The following IKZF1 variants were observed in gnomAD, a reference collection of about 807,000 sequenced individuals.
The protein encoded by IKZF1 is IKAROS family zinc finger 1.
Under a neutral mutation model 51.7 loss-of-function variants are expected in IKZF1, and 10 were observed. The observed-to-expected ratio is 0.19, with a 90% CI of 0.12 to 0.33. The LOEUF is 0.33. IKZF1 is among the 10% of genes least tolerant of loss of function. The pLI is 1.00. For missense variants in IKZF1, 484 were observed against 707.5 expected, an observed-to-expected ratio of 0.68 and a Z score of 3.58; for synonymous variants, 280 against 282.3, an observed-to-expected ratio of 0.99 and a Z score of 0.08.
intron 3 of IKZF1, chr7:50,369,445 G>C (rs1285757041): frequency 2.5e-6 from 1 of 398,360 alleles, no homozygotes; most frequent in African/African-American, 2.1e-5. Context: ...TATACACTTG[G>C]ATATGCTTTC....
At chr7:50,352,569 A>G (rs1291978496) in intron 3 of IKZF1, among the ~76,000 whole-genome samples, 2 of 152,230 alleles carry the variant, frequency 1.3e-5, no homozygotes, top group Non-Finnish European at 1.5e-5. Context: ...CTTCTGAGTA[A>G]GAATAATGTC....
intron 3 of IKZF1, among the ~76,000 whole-genome samples, chr7:50,359,265 A>C (rs1804495449): frequency 6.6e-6 from 1 of 152,184 alleles, no homozygotes; most frequent in Admixed American, 6.5e-5. Flanking sequence ...TGTCTCAAAA[A>C]ATAAAATAAA....
At chr7:50,353,435 C>G (rs1802391665) in intron 3 of IKZF1, among the ~76,000 whole-genome samples, 1 of 152,184 alleles carries the variant, frequency 6.6e-6, no homozygotes, top group African/African-American at 2.4e-5. Flanking sequence ...CTTGTTTCTG[C>G]AATGGATGTT....
At chr7:50,373,229 C>T (rs1217685859) in intron 3 of IKZF1, among the ~76,000 whole-genome samples, 1 of 152,218 alleles carries the variant, frequency 6.6e-6, no homozygotes, top group Non-Finnish European at 1.5e-5. Flanking sequence ...AGCCAGAAAC[C>T]CAAAGGTCGT....
chr7:50,324,821 G>A (rs886993134), intron 2 of IKZF1, among the ~76,000 whole-genome samples: 3 of 152,150 alleles, frequency 2.0e-5, no homozygotes, highest in Non-Finnish European at 4.4e-5. Flanking sequence ...TGAGCGGAAA[G>A]TACGACATTT....
chr7:50,371,119 A>G (rs1448998655), intron 3 of IKZF1, among the ~76,000 whole-genome samples: 1 of 152,196 alleles, frequency 6.6e-6, no homozygotes, highest in Non-Finnish European at 1.5e-5. Context: ...GCACCATTTA[A>G]GGAGTGGCAG....
At chr7:50,377,409 A>G (rs1304806566) in intron 4 of IKZF1, 1 of 153,122 alleles carries the variant, frequency 6.5e-6, no homozygotes, top group Admixed American at 6.5e-5. Context: ...CATCCCAAAT[A>G]CCCTGTCTTG....
At position 50,401,329 on chromosome 7, in the gene IKZF1, G is replaced by A. The variant is rs1464244510; in HGVS notation, c.*702G>A. On this transcript the variant is annotated 3_prime_UTR_variant, in exon 8 of 8. Coordinates refer to ENST00000331340, the MANE Select transcript of IKZF1 (RefSeq NM_006060.6). ...GGCTAGAGCCTTTGGGATCGTCCTG[G>A]ATTCACTGGCTTTGCGGAGGCTGCT... The A allele has an allele frequency of 4.3e-6, 1 of 230,390 alleles. No individual in the cohort carries two copies. Among genetic ancestry groups the A allele is most frequent in the East Asian group, 6.1e-5 (1 of 16,410 alleles). 14.3% of individuals were successfully genotyped at this position (230,390 alleles called of 1,614,324 possible).
intron 5 of IKZF1, among the ~76,000 whole-genome samples, chr7:50,386,039 T>A (rs1002936436): frequency 4.6e-5 from 7 of 152,214 alleles, no homozygotes; most frequent in African/African-American, 1.7e-4. Flanking sequence ...CTCTTAACTT[T>A]TATACAATAC....
At chr7:50,340,353 G>T (rs1320089156) in intron 3 of IKZF1, among the ~76,000 whole-genome samples, 12 of 152,268 alleles carry the variant, frequency 7.9e-5, no homozygotes, top group African/African-American at 2.2e-4. Context: ...GGATGTGGCT[G>T]CAGGCTGTCG....
intron 1 of IKZF1, chr7:50,318,403 G>A (rs1041708540): frequency 6.1e-5 from 14 of 228,884 alleles, no homozygotes; most frequent in African/African-American, 2.2e-4. Flanking sequence ...CGTAGTGAGC[G>A]TCACTTCTCC....
chr7:50,389,380 T>G (rs1814372607), intron 6 of IKZF1, among the ~76,000 whole-genome samples: 1 of 131,154 alleles, frequency 7.6e-6, no homozygotes, highest in South Asian at 2.5e-4. Flanking sequence ...GCCAGTAATG[T>G]GTATTAAATA....
intron 4 of IKZF1, among the ~76,000 whole-genome samples, chr7:50,380,302 C>T (rs919061719): frequency 2.0e-5 from 3 of 152,242 alleles, no homozygotes; most frequent in African/African-American, 7.2e-5. Context: ...GGTATTAAGA[C>T]ATCAGACACT....
At chr7:50,318,189 C>T (rs1007224081) in intron 1 of IKZF1, among the ~76,000 whole-genome samples, 2 of 152,132 alleles carry the variant, frequency 1.3e-5, no homozygotes, top group Non-Finnish European at 2.9e-5. Context: ...TTTGTTTCTA[C>T]TCCACTGATG....
At chr7:50,368,066 G>A (rs1346333173) in intron 3 of IKZF1, 7 of 702,938 alleles carry the variant, frequency 1.0e-5, no homozygotes, top group African/African-American at 1.7e-5. Flanking sequence ...TCTTTCTCTC[G>A]TAAGTATATG....
At chr7:50,399,616 G>A (rs1387981841) in intron 7 of IKZF1, among the ~76,000 whole-genome samples, 1 of 152,018 alleles carries the variant, frequency 6.6e-6, no homozygotes, top group African/African-American at 2.4e-5. Context: ...ACTAATCTTT[G>A]GTTCCCCTAT....
At chr7:50,323,034 A>G (rs892227610) in intron 2 of IKZF1, among the ~76,000 whole-genome samples, 14 of 152,232 alleles carry the variant, frequency 9.2e-5, no homozygotes. Context: ...TTAGATATAT[A>G]TAATCTGCTT....
At chr7:50,353,229 C>T (rs1224840688) in intron 3 of IKZF1, among the ~76,000 whole-genome samples, 1 of 152,240 alleles carries the variant, frequency 6.6e-6, no homozygotes, top group African/African-American at 2.4e-5. Flanking sequence ...GAATTTGCAG[C>T]TCCATGTTTC....
At position 50,401,254 on chromosome 7, in the gene IKZF1, G is replaced by C. The variant is rs10278451; in HGVS notation, c.*627G>C. ...ATATTCTGCGTAGGAAAATGAATTG[G>C]TTGGGGAAAGTCGTGTCTGTCAGAC... On this transcript the variant is annotated 3_prime_UTR_variant, in exon 8 of 8. Transcript: ENST00000331340. The C allele has an allele frequency of 1.1e-4, 25 of 231,272 alleles. No individual in the cohort carries two copies. The highest frequency in any genetic ancestry group is 4.4e-4 in the African/African-American group (20 of 45,214). 14.3% of individuals were successfully genotyped at this position (231,272 alleles called of 1,614,324 possible).
Sources: allele counts gnomAD v4.1 joint callset (sites outside exome capture counted in the v4.1 genomes callset), GRCh38; gene constraint gnomAD v4.1.1; transcripts MANE v1.5; gene names NCBI Gene and HGNC (gene_info 2026-07-23, HGNC 2026-07-21).